GNAI1: variants seen among roughly 807,000 people sequenced by gnomAD.
GNAI1 encodes G protein subunit alpha i1, also known as guanine nucleotide-binding protein G(i) subunit alpha-1.
GNAI1 carries 11 observed loss-of-function variants against 38.9 expected under a neutral mutation model. That is an observed-to-expected ratio of 0.28 (90% CI 0.18 to 0.47). The LOEUF is 0.47. GNAI1 is among the 20% of genes least tolerant of loss of function. GNAI1 has a pLI of 0.99. For synonymous variants in GNAI1, 166 were observed against 145.1 expected (o/e 1.14, Z -1.04); for missense variants, 317 against 436.9 (o/e 0.73, Z 2.45).
chr7:80,213,840 CTGT>C (rs1431601913), intron 7 of GNAI1, among the ~76,000 whole-genome samples: 4 of 141,456 alleles, frequency 2.8e-5, no homozygotes, highest in African/African-American at 1.0e-4. Flanking sequence ...CCCACTCTTC[CTGT>C]TTTTTTTTTT....
chr7:80,210,220 T>C (rs1475870413), intron 5 of GNAI1, among the ~76,000 whole-genome samples: 1 of 152,214 alleles, frequency 6.6e-6, no homozygotes, highest in African/African-American at 2.4e-5. Flanking sequence ...AGAAAAGGAA[T>C]AGACTATTGT....
intron 1 of GNAI1, among the ~76,000 whole-genome samples, chr7:80,168,014 A>G (rs1390137259): frequency 1.3e-5 from 2 of 152,222 alleles, no homozygotes; most frequent in Non-Finnish European, 2.9e-5. Context: ...ATATCACAGT[A>G]GTATACCCAA....
intron 3 of GNAI1, among the ~76,000 whole-genome samples, chr7:80,189,645 A>C (rs1163313379): frequency 6.6e-6 from 1 of 152,212 alleles, no homozygotes; most frequent in Non-Finnish European, 1.5e-5. Flanking sequence ...AAAGCAATCT[A>C]ATCTCGAATA....
At chr7:80,213,902 T>C (rs1446426348) in intron 7 of GNAI1, among the ~76,000 whole-genome samples, 2 of 152,204 alleles carry the variant, frequency 1.3e-5, no homozygotes, top group East Asian at 1.9e-4. Context: ...TCCTCAGTCT[T>C]GTGTTGAGTA....
At position 80,203,720 on chromosome 7, in the gene GNAI1, G is replaced by T; in HGVS notation, c.478G>T (p.Asp160Tyr). 6.3e-7 allele frequency: 1 copy of T among 1,587,112 alleles called. No individual in the cohort carries two copies. Among genetic ancestry groups the T allele is most frequent in the Non-Finnish European group, 8.6e-7 (1 of 1,160,608 alleles). The change falls in exon 5 of 8, where the codon GAC becomes TAC. Residue 160 changes from aspartate (D) to tyrosine (Y), a missense_variant. Asp to Tyr is a radical substitution (Grantham distance 160). This residue lies in a region of GNAI1 where 158 missense variants were observed against 234.7 expected (regional missense o/e 0.67). Coordinates refer to ENST00000649796, the MANE Select transcript of GNAI1 (RefSeq NM_002069.6). ...TTTTTTCAGCTATTTGAATGACTTG[G>T]ACAGAATAGCTCAACCAAATTACAT... ...DSAAYYLNDLDRIAQPNYIPT... is the reference protein window; with the variant it reads ...DSAAYYLNDLYRIAQPNYIPT...
chr7:80,186,725 C>T (rs1376171907), intron 1 of GNAI1, among the ~76,000 whole-genome samples: 2 of 152,104 alleles, frequency 1.3e-5, no homozygotes, highest in African/African-American at 4.8e-5. Flanking sequence ...GTGTACGAAT[C>T]CTGGGATCTA....
intron 5 of GNAI1, among the ~76,000 whole-genome samples, chr7:80,204,919 AT>A (rs1191851796): frequency 4.1e-5 from 5 of 120,752 alleles, no homozygotes; most frequent in African/African-American, 1.8e-4. Flanking sequence ...TGTTAAAAAA[AT>A]ATTTAAAAAT....
rs564788833 is a variant in GNAI1 at position 80,222,643 on chromosome 7, G to T, written c.*5150G>T. 3.3e-5 allele frequency among the ~76,000 whole-genome samples: 5 copies of T among 151,752 alleles called. No individual in the cohort carries two copies. The highest frequency in any genetic ancestry group is 1.2e-4 in the African/African-American group (5 of 41,266). On this transcript the variant is annotated 3_prime_UTR_variant, in exon 8 of 8. Coordinates refer to ENST00000649796, the MANE Select transcript of GNAI1 (RefSeq NM_002069.6). ...CTCAGGTAATCCGCCCACCTCGGCCGCCCAAAGTGCTGGGATTACAGGTGT... is the reference window on the plus strand; with the variant it reads ...CTCAGGTAATCCGCCCACCTCGGCCTCCCAAAGTGCTGGGATTACAGGTGT...
chr7:80,163,150 T>C (rs1787952379), intron 1 of GNAI1, among the ~76,000 whole-genome samples: 1 of 152,164 alleles, frequency 6.6e-6, no homozygotes, highest in Non-Finnish European at 1.5e-5. Flanking sequence ...GTCAGTTCTC[T>C]TTTATATAGC....
rs1271405702 is a variant in GNAI1 at position 80,220,373 on chromosome 7, ATTTG to A, written c.*2886_*2889del. Among the ~76,000 whole-genome samples, 5 of 152,146 alleles carry A rather than the reference ATTTG, an allele frequency of 3.3e-5. No homozygotes were observed. Among genetic ancestry groups the A allele is most frequent in the Non-Finnish European group, 7.4e-5 (5 of 68,012 alleles). On this transcript the variant is annotated 3_prime_UTR_variant, in exon 8 of 8. Coordinates refer to ENST00000649796, the MANE Select transcript of GNAI1 (RefSeq NM_002069.6). The stretch of plus-strand genomic sequence containing the variant: ...GCACTTTTAAATTTGGCACTTTTAA[ATTTG>A]TTTGTGATACCTCTTTTAGACTCCT...
intron 6 of GNAI1, among the ~76,000 whole-genome samples, chr7:80,211,906 C>T (rs1039651531): frequency 4.6e-5 from 7 of 152,056 alleles, no homozygotes; most frequent in Admixed American, 3.9e-4. Context: ...CCTTGAACAA[C>T]GGGTTTAAGC....
chr7:80,218,503 C>T lies in GNAI1; in HGVS notation c.*1010C>T, dbSNP rs1789014412. ...CATTGATTGGTGAGGCTTTTATTTC[C>T]CTTGAGGAGTCTCTTGTACCTAGCA... is the stretch of plus-strand genomic sequence containing the variant. On this transcript the variant is annotated 3_prime_UTR_variant, in exon 8 of 8. Coordinates refer to ENST00000649796, the MANE Select transcript of GNAI1 (RefSeq NM_002069.6). The T allele has an allele frequency of 6.6e-6, 1 of 151,274 alleles. No homozygotes were observed. The highest frequency in any genetic ancestry group is 2.4e-5 in the African/African-American group (1 of 41,216). 9.4% of individuals were successfully genotyped at this position (151,274 alleles called of 1,614,324 possible).
chr7:80,177,708 G>A (rs1788213719), intron 1 of GNAI1, among the ~76,000 whole-genome samples: 1 of 152,148 alleles, frequency 6.6e-6, no homozygotes, highest in Admixed American at 6.5e-5. Context: ...TGTACTCATG[G>A]CCTGAAGCTA....
At position 80,210,952 on chromosome 7, in the gene GNAI1, A is replaced by T. The variant is rs1788862558; in HGVS notation, c.591-17A>T. 2.5e-6 allele frequency: 4 copies of T among 1,610,020 alleles called. No homozygotes were observed. Among genetic ancestry groups the T allele is most frequent in the African/African-American group, 1.3e-5 (1 of 74,800 alleles). ...TGAACATTTAATGTGATGTTAACTC[A>T]TTTCTCCTCTTAACAGAATGTTTGA... On this transcript the variant is annotated splice_polypyrimidine_tract_variant and intron_variant, in intron 5 of 7. Coordinates refer to ENST00000649796, the MANE Select transcript of GNAI1 (RefSeq NM_002069.6).
At chr7:80,167,869 T>C (rs1002451258) in intron 1 of GNAI1, among the ~76,000 whole-genome samples, 2 of 152,230 alleles carry the variant, frequency 1.3e-5, no homozygotes, top group East Asian at 3.8e-4. Context: ...AAAAAAAGTC[T>C]TTGTGTTTAT....
intron 1 of GNAI1, among the ~76,000 whole-genome samples, chr7:80,181,201 C>T (rs1184373579): frequency 6.6e-6 from 1 of 152,118 alleles, no homozygotes; most frequent in Non-Finnish European, 1.5e-5. Flanking sequence ...AATGACACCA[C>T]TCTCATGGGC....
rs117469911 is a variant in GNAI1, at chr7:80,162,028, C to A, written c.118+26750C>A. Among the ~76,000 whole-genome samples, 1,364 of 152,176 alleles carry A rather than the reference C, an allele frequency of 9.0e-3. 9 individuals carry two copies. The highest frequency in any genetic ancestry group is 0.013 in the Non-Finnish European group (913 of 68,016). ...CCGAAATTGTATGTTGAAGCCCTAA[C>A]CCACAGTGTGATGGCATTTGGAGGT... is the stretch of plus-strand genomic sequence containing the variant. On this transcript the variant is annotated intron_variant, in intron 1 of 7. Coordinates refer to ENST00000649796, the MANE Select transcript of GNAI1 (RefSeq NM_002069.6).
chr7:80,199,471 G>A, intron 4 of GNAI1, 89 bp downstream of exon 4: 1 of 961,826 alleles, frequency 1.0e-6, no homozygotes. Context: ...TGCAGAATTG[G>A]CTGACACATT....
intron 1 of GNAI1, among the ~76,000 whole-genome samples, chr7:80,138,452 T>TA (rs2116063116): frequency 6.6e-6 from 1 of 152,348 alleles, no homozygotes; most frequent in South Asian, 2.1e-4. Context: ...ATTAGGATGA[T>TA]AATACTTAAT....
Sources: allele counts gnomAD v4.1 joint callset (sites outside exome capture counted in the v4.1 genomes callset), GRCh38; gene constraint gnomAD v4.1.1; regional missense constraint gnomAD v4.1.1; transcripts MANE v1.5; gene names NCBI Gene and HGNC (gene_info 2026-07-23, HGNC 2026-07-21).